PVALEF: variants seen among roughly 807,000 people sequenced by gnomAD.
PVALEF encodes the protein parvalbumin like EF-hand containing, also known as parvalbumin-like EF-hand-containing protein.
Under a neutral mutation model 1.2 loss-of-function variants are expected in PVALEF, and 2 were observed. The ratio of observed to expected loss-of-function variants is 1.68; its 90% CI spans 0.69 to 5.28. The LOEUF (loss-of-function observed/expected upper bound fraction) is 5.28. Ranked by LOEUF, PVALEF falls within the 30% of genes most tolerant of loss-of-function variation. The probability of loss-of-function intolerance (pLI) is 0.06; values close to 1 mark genes in which losing one functional copy is unlikely to be tolerated. For missense variants in PVALEF, 35 were observed against 17.7 expected, an observed-to-expected ratio of 1.97 and a Z score of -1.75; for synonymous variants, 16 against 6.5, an observed-to-expected ratio of 2.47 and a Z score of -2.24.
At chr17:81,177,669 G>A (rs1598250330) in intron 2 of PVALEF, among the ~76,000 whole-genome samples, 1 of 152,228 alleles carries the variant, frequency 6.6e-6, no homozygotes, top group East Asian at 1.9e-4. Flanking sequence ...AAAAGGCATC[G>A]ACCGAGCCTG....
intron 2 of PVALEF, among the ~76,000 whole-genome samples, chr17:81,177,624 C>T (rs531247282): frequency 1.3e-5 from 2 of 151,726 alleles, no homozygotes; most frequent in Admixed American, 6.6e-5. Flanking sequence ...ATAAAAAGCA[C>T]GCAAGAAAGA....
chr17:81,177,246 A>G (rs2061538846), intron 2 of PVALEF, among the ~76,000 whole-genome samples: 1 of 88,466 alleles, frequency 1.1e-5, no homozygotes, highest in Admixed American at 9.9e-5. Flanking sequence ...ATCTCAAAAA[A>G]AAAAAAAAAA....
chr17:81,178,017 C>T lies in PVALEF; in HGVS notation c.-339-901C>T, dbSNP rs761135744. ...GCTCCAGGTGGCCCTGACCTCTACA[C>T]CTGGCTGGGACGGGTGTAGACTGGA... On this transcript the variant is annotated intron_variant, in intron 2 of 6. Coordinates refer to ENST00000637878, the MANE Select transcript of PVALEF (RefSeq NM_001354639.2). 5.3e-5 allele frequency among the ~76,000 whole-genome samples: 8 copies of T among 152,208 alleles called. 1 individual carries two copies. The highest frequency in any genetic ancestry group is 4.1e-4 in the South Asian group (2 of 4,830).
intron 1 of PVALEF, 158 bp downstream of exon 1, chr17:81,165,905 A>AGCG (rs1567833113): frequency 6.4e-7 from 1 of 1,563,332 alleles, no homozygotes; most frequent in Non-Finnish European, 8.7e-7. Flanking sequence ...GGAGGGAGGC[A>AGCG]GCGGCGCGCA....
At chr17:81,172,125 A>G (rs1028412696) in intron 2 of PVALEF, among the ~76,000 whole-genome samples, 1 of 152,212 alleles carries the variant, frequency 6.6e-6, no homozygotes, top group African/African-American at 2.4e-5. Flanking sequence ...CTGGTGCCAC[A>G]TGCCTTTCTA....
At position 81,168,625 on chromosome 17, in the gene PVALEF, G is replaced by A. The variant is rs916214704; in HGVS notation, c.-340+1781G>A. On this transcript the variant is annotated intron_variant, in intron 2 of 6. Coordinates refer to ENST00000637878, the MANE Select transcript of PVALEF (RefSeq NM_001354639.2). ...TATCCCCCGGCCTGGGGGAAGGCATGATCTCCGCCCCTGGGACTCTCTAGA... is the reference window on the plus strand; with the variant it reads ...TATCCCCCGGCCTGGGGGAAGGCATAATCTCCGCCCCTGGGACTCTCTAGA... Among the ~76,000 whole-genome samples the A allele has an allele frequency of 6.6e-5, 10 of 152,180 alleles. No homozygotes were observed. The South Asian group carries it at 1.0e-3, about 16-fold the overall frequency.
intron 2 of PVALEF, among the ~76,000 whole-genome samples, chr17:81,167,220 G>T (rs1431232261): frequency 6.6e-6 from 1 of 152,216 alleles, no homozygotes; most frequent in Non-Finnish European, 1.5e-5. Flanking sequence ...TTGAGCCTGG[G>T]AGTTAGAGGC....
At position 81,165,613 on chromosome 17, in the gene PVALEF, G is replaced by A. The variant is rs1420230372; in HGVS notation, c.-642G>A. ...TGGCTGACACCCCCCACACCCCCAA[G>A]GGCCCTTAGTCTGAGACCAACTCTC... On this transcript the variant is annotated 5_prime_UTR_variant, in exon 1 of 7. Transcript: ENST00000637878. 2 of 1,425,762 alleles carry A rather than the reference G, an allele frequency of 1.4e-6. No homozygotes were observed. Among genetic ancestry groups the A allele is most frequent in the African/African-American group, 2.8e-5 (2 of 70,260 alleles). 88.3% of individuals were successfully genotyped at this position (1,425,762 alleles called of 1,614,324 possible).
Position 81,165,677 on chromosome 17 carries a change from G to A in PVALEF, c.-578G>A. ...GCCCACGCAGGCCCTCCGTGCCCCA[G>A]TTACCTGTGCCCTGGAGGCAGCCAC... is the stretch of plus-strand genomic sequence containing the variant. On this transcript the variant is annotated 5_prime_UTR_variant, in exon 1 of 7. Coordinates refer to ENST00000637878, the MANE Select transcript of PVALEF (RefSeq NM_001354639.2). 1 of 1,511,606 alleles carries A rather than the reference G, an allele frequency of 6.6e-7. No individual in the cohort carries two copies. Among genetic ancestry groups the A allele is most frequent in the Non-Finnish European group, 8.8e-7 (1 of 1,131,316 alleles). The allele number at this position is 1,511,606 out of a possible 1,614,324, so 93.6% of individuals were successfully genotyped here.
Position 81,182,099 on chromosome 17 carries a change from G to A in PVALEF, c.358+18G>A, listed in dbSNP as rs1458566286. On this transcript the variant is annotated intron_variant, in intron 6 of 6. Coordinates refer to ENST00000637878, the MANE Select transcript of PVALEF (RefSeq NM_001354639.2). ...CTACGAAGGTGGGGGCAGCACAGCCGGGGCACCCTCAGGACCCTCCTTCCC... is the reference window on the plus strand; with the variant it reads ...CTACGAAGGTGGGGGCAGCACAGCCAGGGCACCCTCAGGACCCTCCTTCCC... The A allele has an allele frequency of 1.3e-5, 5 of 398,576 alleles. No individual in the cohort carries two copies. Among genetic ancestry groups the A allele is most frequent in the East Asian group, 7.1e-5 (2 of 28,094 alleles). The allele number at this position is 398,576 out of a possible 1,614,324, so 24.7% of individuals were successfully genotyped here.
rs549209902 is a variant in PVALEF at position 81,170,142 on chromosome 17, ATG to A, written c.-340+3305_-340+3306del. On this transcript the variant is annotated intron_variant, in intron 2 of 6. Coordinates refer to ENST00000637878, the MANE Select transcript of PVALEF (RefSeq NM_001354639.2). ...TGTAGGCATGTGTGTGTTGGTGTGG[ATG>A]TGTGTGCATATGTGGTGTGTGTGCA... Among the ~76,000 whole-genome samples, 843 of 135,106 alleles carry A rather than the reference ATG, an allele frequency of 6.2e-3. 8 individuals are homozygous for A. Among genetic ancestry groups the A allele is most frequent in the African/African-American group, 0.02 (692 of 34,526 alleles). The allele number at this position is 135,106 out of a possible 152,430, so 88.6% of individuals were successfully genotyped here.
At chr17:81,181,723 G>T in intron 5 of PVALEF, 29 bp downstream of exon 5, 2 of 399,830 alleles carry the variant, frequency 5.0e-6, no homozygotes, top group Non-Finnish European at 8.8e-6. Context: ...GGAGGGGTGG[G>T]GCCCAGGCCA....
chr17:81,167,497 G>A (rs963353618), intron 2 of PVALEF, among the ~76,000 whole-genome samples: 23 of 152,268 alleles, frequency 1.5e-4, no homozygotes, highest in African/African-American at 5.3e-4. Context: ...GGACTTTAGG[G>A]AGAGAAAGGA....
intron 2 of PVALEF, among the ~76,000 whole-genome samples, chr17:81,169,188 C>T (rs886755794): frequency 7.2e-5 from 11 of 152,180 alleles, no homozygotes; most frequent in Non-Finnish European, 1.0e-4. Flanking sequence ...GAGGAAACTT[C>T]CCTGAATTAG....
chr17:81,180,628 G>A (rs1175051719), intron 3 of PVALEF, among the ~76,000 whole-genome samples: 1 of 152,166 alleles, frequency 6.6e-6, no homozygotes, highest in Non-Finnish European at 1.5e-5. Flanking sequence ...GGCAGCTGGA[G>A]GCACCGAGGG....
chr17:81,174,981 A>G (rs2061532281), intron 2 of PVALEF, among the ~76,000 whole-genome samples: 2 of 152,100 alleles, frequency 1.3e-5, no homozygotes, highest in African/African-American at 4.8e-5. Context: ...CTGTTCACAA[A>G]TGATATGATG....
Position 81,181,268 on chromosome 17 carries a change from G to A in PVALEF, c.42G>A (p.Leu14=). 1 of 702,286 alleles carries A rather than the reference G, an allele frequency of 1.4e-6. No individual in the cohort carries two copies. Among genetic ancestry groups the A allele is most frequent in the Non-Finnish European group, 2.6e-6 (1 of 384,518 alleles). 43.5% of individuals were successfully genotyped at this position (702,286 alleles called of 1,614,324 possible). ...DFSSQMKKMA[L]AMGTSLSDKD... is the part of the protein sequence containing the mutation. ...CCTCCCAGATGAAGAAGATGGCCTT[G>A]GCCATGGGCACGTCCCTATCAGACA... The change falls in exon 4 of 7, where the codon TTG becomes TTA. Residue 14 remains leucine, a synonymous_variant. Transcript: ENST00000637878.
At chr17:81,165,914 C>G (rs543716996) in intron 1 of PVALEF, 167 bp downstream of exon 1, 2 of 1,567,696 alleles carry the variant, frequency 1.3e-6, no homozygotes, top group Non-Finnish European at 1.7e-6. Context: ...CAGCGGCGCG[C>G]AGGCCGGGCC....
At chr17:81,169,318 G>A (rs1191235211) in intron 2 of PVALEF, among the ~76,000 whole-genome samples, 3 of 152,158 alleles carry the variant, frequency 2.0e-5, no homozygotes, top group Admixed American at 1.3e-4. Context: ...AACAGTAATC[G>A]GCCGGGCGCA....
Sources: gnomAD v4.1 joint callset for allele counts (sites outside exome capture counted in the v4.1 genomes callset) on GRCh38, gnomAD v4.1.1 for gene constraint, MANE v1.5 for transcripts, NCBI Gene and HGNC (gene_info 2026-07-23, HGNC 2026-07-21) for gene names.